Variants in FER observed in about 807,000 individuals in gnomAD.
FER encodes tyrosine-protein kinase Fer.
Under a neutral mutation model 111.0 loss-of-function variants are expected in FER, and 63 were observed. The ratio of observed to expected loss-of-function variants is 0.57; its 90% confidence interval spans 0.46 to 0.70. The LOEUF (loss-of-function observed/expected upper bound fraction) is 0.70, where lower values mean the gene tolerates loss of function less well. FER is among the 30% of genes least tolerant of loss of function. FER has a pLI of 0.00. For missense variants in FER, 914 were observed against 954.0 expected, an observed-to-expected ratio of 0.96 and a Z score of 0.55; for synonymous variants, 327 against 313.9, an observed-to-expected ratio of 1.04 and a Z score of -0.44.
At chr5:108,881,889 A>G (rs572495212) in intron 8 of FER, among the ~76,000 whole-genome samples, 99 of 152,192 alleles carry the variant, frequency 6.5e-4, no homozygotes, top group African/African-American at 2.3e-3. Flanking sequence ...TAGGGCCCCA[A>G]CAGATGAATT....
intron 13 of FER, among the ~76,000 whole-genome samples, chr5:109,008,825 C>G (rs1195725618): frequency 6.6e-6 from 1 of 151,828 alleles, no homozygotes; most frequent in African/African-American, 2.4e-5. Flanking sequence ...ACAAAATTAA[C>G]CAGGCATGGT....
At chr5:108,748,194 C>A (rs1311006064) in intron 1 of FER, among the ~76,000 whole-genome samples, 194 bp downstream of exon 1, 8 of 152,208 alleles carry the variant, frequency 5.3e-5, no homozygotes, top group Non-Finnish European at 1.0e-4. Flanking sequence ...AAGCAATCCA[C>A]GTTAATAACA....
intron 1 of FER, among the ~76,000 whole-genome samples, chr5:108,751,117 G>C (rs1382442589): frequency 2.0e-5 from 3 of 152,138 alleles, no homozygotes; most frequent in Admixed American, 6.5e-5. Flanking sequence ...GCTTGAACCC[G>C]TGAGGCGGAG....
intron 17 of FER, among the ~76,000 whole-genome samples, chr5:109,140,990 G>A (rs76377711): frequency 0.034 from 5,187 of 152,004 alleles, 145 homozygotes; most frequent in South Asian, 0.084. Context: ...TCCATATCTC[G>A]AGCATACCAT....
At chr5:109,159,451 T>TTTGTTGAA (rs1347319167) in intron 17 of FER, among the ~76,000 whole-genome samples, 3 of 152,088 alleles carry the variant, frequency 2.0e-5, no homozygotes, top group Non-Finnish European at 4.4e-5. Context: ...GATCACTCTG[T>TTTGTTGAA]TGAATGAATG....
At chr5:109,033,485 CCA>C (rs1408373511) in intron 13 of FER, among the ~76,000 whole-genome samples, 1 of 152,102 alleles carries the variant, frequency 6.6e-6, no homozygotes, top group Non-Finnish European at 1.5e-5. Context: ...CAGCAACTCC[CCA>C]TTCTCCAACT....
At chr5:108,873,175 C>T (rs775203758) in intron 8 of FER, among the ~76,000 whole-genome samples, 1 of 151,954 alleles carries the variant, frequency 6.6e-6, no homozygotes, top group Non-Finnish European at 1.5e-5. Context: ...GATGAGGTCT[C>T]ACTTTGTGGC....
chr5:108,820,647 G>T (rs1410368850), intron 3 of FER: 1 of 540,556 alleles, frequency 1.8e-6, no homozygotes, highest in Middle Eastern at 9.3e-4. Flanking sequence ...AGACTGGACC[G>T]TAACTGAGCT....
intron 3 of FER, among the ~76,000 whole-genome samples, chr5:108,827,638 G>A (rs1759605925): frequency 6.6e-6 from 1 of 151,882 alleles, no homozygotes; most frequent in Admixed American, 6.6e-5. Flanking sequence ...TGACTACAGG[G>A]TCTTGTTGTT....
intron 9 of FER, among the ~76,000 whole-genome samples, chr5:108,885,082 A>G (rs1427046660): frequency 6.6e-6 from 1 of 151,660 alleles, no homozygotes; most frequent in Non-Finnish European, 1.5e-5. Context: ...AGGCTGTCTC[A>G]CTCCTTTCCC....
At chr5:108,845,972 A>G (rs1322274991) in intron 5 of FER, among the ~76,000 whole-genome samples, 1 of 152,190 alleles carries the variant, frequency 6.6e-6, no homozygotes, top group African/African-American at 2.4e-5. Context: ...TAAGGATACA[A>G]TTTTCTTAGT....
At chr5:109,070,445 G>A (rs908483170) in intron 16 of FER, among the ~76,000 whole-genome samples, 7 of 151,804 alleles carry the variant, frequency 4.6e-5, no homozygotes, top group African/African-American at 7.2e-5. Flanking sequence ...GAAGATAATC[G>A]ACTTTGGAAA....
intron 10 of FER, among the ~76,000 whole-genome samples, chr5:108,908,419 C>A (rs1751086310): frequency 6.6e-6 from 1 of 151,964 alleles, no homozygotes; most frequent in Non-Finnish European, 1.5e-5. Context: ...TTTTTGGGTG[C>A]TCATTAAAAA....
chr5:109,167,706 C>T (rs1200084268), intron 17 of FER, among the ~76,000 whole-genome samples: 1 of 152,160 alleles, frequency 6.6e-6, no homozygotes, highest in Admixed American at 6.6e-5. Flanking sequence ...ATGAATGCAA[C>T]TATATTGCTT....
intron 11 of FER, among the ~76,000 whole-genome samples, chr5:108,953,204 C>T (rs187000456): frequency 0.01 from 1,548 of 151,074 alleles, 21 homozygotes; most frequent in African/African-American, 0.036. Context: ...GTAGATTATG[C>T]GTTTGTTTTT....
At chr5:109,090,440 C>T (rs1435054942) in intron 16 of FER, among the ~76,000 whole-genome samples, 1 of 152,036 alleles carries the variant, frequency 6.6e-6, no homozygotes, top group Non-Finnish European at 1.5e-5. Context: ...TCACAAGACA[C>T]ATGAAGAAAC....
At chr5:109,165,399 C>T (rs891279983) in intron 17 of FER, among the ~76,000 whole-genome samples, 23 of 152,122 alleles carry the variant, frequency 1.5e-4, no homozygotes, top group African/African-American at 5.6e-4. Context: ...GTAGAATCCT[C>T]GGAGTATGGC....
intron 17 of FER, among the ~76,000 whole-genome samples, chr5:109,100,739 C>T (rs1345697476): frequency 6.6e-6 from 1 of 151,708 alleles, no homozygotes; most frequent in Admixed American, 6.6e-5. Flanking sequence ...CAGTCATTTG[C>T]CTACTAGTTA....
At chr5:109,036,066 A>G (rs1770350418) in intron 13 of FER, among the ~76,000 whole-genome samples, 1 of 152,180 alleles carries the variant, frequency 6.6e-6, no homozygotes, top group Non-Finnish European at 1.5e-5. Context: ...TCAGATAGAA[A>G]TTCAGTATTG....
Sources: gnomAD v4.1 joint callset for allele counts (sites outside exome capture counted in the v4.1 genomes callset) on GRCh38, gnomAD v4.1.1 for gene constraint, MANE v1.5 for transcripts, NCBI Gene and HGNC (gene_info 2026-07-23, HGNC 2026-07-21) for gene names.